The following FANCA variants were observed in gnomAD, a reference collection of about 807,000 sequenced individuals.
The protein encoded by FANCA is FA complementation group A.
A neutral mutation model predicts 194.3 loss-of-function variants in FANCA; 236 were observed. That is an observed-to-expected ratio of 1.21 (90% CI 1.09 to 1.35). FANCA has a LOEUF of 1.35. Among genes scored for constraint, FANCA ranks in the 40% most tolerant of loss-of-function variants. The pLI, the probability that FANCA is intolerant of heterozygous loss-of-function variation, is 0.00. For synonymous variants in FANCA, 1,014 were observed against 715.8 expected (o/e 1.42, Z -6.65); for missense variants, 2,628 against 1,813.9 (o/e 1.45, Z -8.15).
At chr16:89,781,363 C>CAAAAAAAAA (rs775937692) in intron 17 of FANCA, among the ~76,000 whole-genome samples, 11 of 60,394 alleles carry the variant, frequency 1.8e-4, no homozygotes, top group African/African-American at 6.2e-4. Flanking sequence ...GACTCCATTC[C>CAAAAAAAAA]AAAAAAAAAA....
At chr16:89,742,081 T>C (rs2062147007) in intron 37 of FANCA, among the ~76,000 whole-genome samples, 1 of 152,140 alleles carries the variant, frequency 6.6e-6, no homozygotes, top group Non-Finnish European at 1.5e-5. Flanking sequence ...TCCTCCTGCC[T>C]CAGCCTCCTG....
In FANCA at chr16:89,791,974, A is replaced by G; in HGVS notation, c.1178T>C (p.Val393Ala). ...EVHWQRVLSFVSALVVCFPEA... is the reference protein window; with the variant it reads ...EVHWQRVLSFASALVVCFPEA... ...TGGAAAGCAGACAACCAGGGCAGACACAAAGGAGAGCACTCTCTGCCAGTG... is the reference window on the plus strand; with the variant it reads ...TGGAAAGCAGACAACCAGGGCAGACGCAAAGGAGAGCACTCTCTGCCAGTG... The change falls in exon 13 of 43, where the codon GTG becomes GCG. Residue 393 changes from valine to alanine, a missense_variant. By Grantham distance (64) the Val-to-Ala change is moderately conservative (BLOSUM62 0). Transcript: ENST00000389301. 1 of 1,614,222 alleles carries G rather than the reference A, an allele frequency of 6.2e-7. No individual in the cohort carries two copies. Among genetic ancestry groups the G allele is most frequent in the Non-Finnish European group, 8.5e-7 (1 of 1,180,038 alleles).
intron 28 of FANCA, among the ~76,000 whole-genome samples, chr16:89,763,469 C>A (rs926471443): frequency 3.4e-4 from 51 of 152,006 alleles, no homozygotes; most frequent in Non-Finnish European, 6.5e-4. Context: ...AGCCACTGTG[C>A]CCAGCCACCT....
intron 36 of FANCA, 115 bp downstream of exon 36, chr16:89,744,844 C>T (rs1394501005): frequency 1.6e-5 from 15 of 952,156 alleles, no homozygotes; most frequent in Admixed American, 4.0e-5. Context: ...CCTGCTCACA[C>T]GAGAGGCTGC....
chr16:89,775,261 C>A (rs937653042), intron 21 of FANCA, among the ~76,000 whole-genome samples: 3 of 152,158 alleles, frequency 2.0e-5, no homozygotes, highest in Non-Finnish European at 4.4e-5. Flanking sequence ...TTCACGGATT[C>A]CCAATGAGGG....
At chr16:89,752,088 C>A (rs754544119) in intron 31 of FANCA, 50 bp downstream of exon 31, 4 of 1,524,866 alleles carry the variant, frequency 2.6e-6, no homozygotes, top group African/African-American at 1.4e-5. Context: ...CTTAATAGCA[C>A]GCGGCTTAAA....
intron 15 of FANCA, among the ~76,000 whole-genome samples, chr16:89,783,510 C>A (rs192627753): frequency 0.016 from 2,420 of 150,096 alleles, 42 homozygotes; most frequent in Non-Finnish European, 0.02. Context: ...GAGATCGCGC[C>A]ACTGCACTCC....
At chr16:89,750,501 A>AAAAAC (rs1555539127) in intron 31 of FANCA, among the ~76,000 whole-genome samples, 2 of 145,588 alleles carry the variant, frequency 1.4e-5, no homozygotes, top group Non-Finnish European at 3.1e-5. Flanking sequence ...ACAAACAAAA[A>AAAAAC]AAAACAGCCA....
chr16:89,808,585 C>T (rs574599706), intron 5 of FANCA, among the ~76,000 whole-genome samples: 2 of 152,158 alleles, frequency 1.3e-5, no homozygotes, highest in East Asian at 1.9e-4. Flanking sequence ...ACCCACACAC[C>T]GTTGCCCAAC....
intron 17 of FANCA, among the ~76,000 whole-genome samples, chr16:89,782,510 C>T (rs564506652): frequency 6.0e-4 from 73 of 122,572 alleles, no homozygotes; most frequent in African/African-American, 2.2e-3. Context: ...ACTGCATCTC[C>T]AAAAAAAAAA....
intron 30 of FANCA, among the ~76,000 whole-genome samples, chr16:89,757,601 G>A (rs536308431): frequency 2.6e-5 from 4 of 152,344 alleles, no homozygotes; most frequent in East Asian, 1.9e-4. Flanking sequence ...GGGGGAAGCT[G>A]CATACACACT....
At chr16:89,767,770 G>A (rs529300171) in intron 26 of FANCA, among the ~76,000 whole-genome samples, 3 of 152,026 alleles carry the variant, frequency 2.0e-5, no homozygotes, top group South Asian at 2.1e-4. Flanking sequence ...GGATGGTCTC[G>A]ATCTCCTGAC....
chr16:89,811,962 C>T (rs371350359), intron 3 of FANCA, among the ~76,000 whole-genome samples: 58 of 150,990 alleles, frequency 3.8e-4, no homozygotes, highest in African/African-American at 1.4e-3. Context: ...CAATTCCCAA[C>T]CTCATTAATC....
chr16:89,803,401 T>A (rs1202327397), intron 7 of FANCA, 60 bp from the exon 8 acceptor site: 5 of 1,467,190 alleles, frequency 3.4e-6, no homozygotes, highest in Non-Finnish European at 4.8e-6. Context: ...CAACTGTGAA[T>A]GGCACAGACC....
intron 10 of FANCA, chr16:89,798,887 G>T (rs2040341462): frequency 6.3e-7 from 1 of 1,578,256 alleles, no homozygotes; most frequent in Non-Finnish European, 8.6e-7. Context: ...GGAGGTCACA[G>T]TGAGTGGGAC....
chr16:89,770,455 G>A (rs548255338), intron 24 of FANCA, 109 bp downstream of exon 24: 25 of 1,134,204 alleles, frequency 2.2e-5, no homozygotes, highest in South Asian at 1.1e-4. Context: ...CAGCATCGCC[G>A]CATGCTCCTG....
chr16:89,766,376 T>C (rs942555389), intron 27 of FANCA, among the ~76,000 whole-genome samples: 2 of 152,160 alleles, frequency 1.3e-5, no homozygotes, highest in Middle Eastern at 3.2e-3. Context: ...ATTTCACCTT[T>C]ACTTTTGACA....
At chr16:89,802,266 A>ATTT (rs71391244) in intron 8 of FANCA, among the ~76,000 whole-genome samples, 2 of 136,244 alleles carry the variant, frequency 1.5e-5, no homozygotes, top group Admixed American at 7.4e-5. Context: ...ACGCCCGGCT[A>ATTT]TTTTTTTTTT....
rs587778317 is a variant in FANCA, at chr16:89,758,614, T to C, written c.2944A>G (p.Thr982Ala). The change falls in exon 30 of 43, where the codon ACC becomes GCC. Residue 982 changes from threonine to alanine, a missense_variant. Coordinates refer to ENST00000389301, the MANE Select transcript of FANCA (RefSeq NM_000135.4). The part of the protein sequence containing the change: ...GCDGDLQAAC[T>A]ILVNALMDFH... ...TCCATCAGTGCGTTGACAAGAATGG[T>C]ACACGCAGCCTGCAGGTCTCCGTCA... is the stretch of plus-strand genomic sequence containing the variant. 9.3e-6 allele frequency: 15 copies of C among 1,613,922 alleles called. No individual in the cohort carries two copies. The East Asian group carries it at 1.8e-4, about 19-fold the overall frequency.
Sources: gnomAD v4.1 joint callset for allele counts (sites outside exome capture counted in the v4.1 genomes callset) on GRCh38, gnomAD v4.1.1 for gene constraint, MANE v1.5 for transcripts, NCBI Gene and HGNC (gene_info 2026-07-23, HGNC 2026-07-21) for gene names.